PCED1B: variants seen among roughly 807,000 people sequenced by gnomAD.
The protein encoded by PCED1B is PC-esterase domain-containing protein 1B.
For missense variants in PCED1B, 573 were observed against 573.9 expected (o/e 1.00, Z 0.02); for synonymous variants, 251 against 246.1 (o/e 1.02, Z -0.19).
At chr12:47,095,014 C>T (rs573043936) in intron 1 of PCED1B, among the ~76,000 whole-genome samples, 86 of 151,560 alleles carry the variant, frequency 5.7e-4, no homozygotes, top group Non-Finnish European at 7.5e-4. Flanking sequence ...TCAAGCAATC[C>T]TCCCACCTCG....
intron 2 of PCED1B, among the ~76,000 whole-genome samples, chr12:47,174,791 T>C (rs906887719): frequency 1.3e-5 from 2 of 152,192 alleles, no homozygotes; most frequent in African/African-American, 4.8e-5. Flanking sequence ...ACTCCTGGGG[T>C]CAGAGAGATG....
intron 2 of PCED1B, among the ~76,000 whole-genome samples, chr12:47,177,849 G>A (rs1217545257): frequency 2.0e-5 from 3 of 151,974 alleles, no homozygotes; most frequent in African/African-American, 7.3e-5. Flanking sequence ...CAGGAGGCTG[G>A]GGCAGGAGAA....
chr12:47,115,860 C>A lies in PCED1B; in HGVS notation c.-526+11665C>A, dbSNP rs139639192. Among the ~76,000 whole-genome samples the A allele has an allele frequency of 3.3e-3, 506 of 152,280 alleles. 8 individuals are homozygous for A. In the South Asian group the frequency reaches 0.04, roughly 12 times the overall value. On this transcript the variant is annotated intron_variant, in intron 2 of 3. Coordinates refer to ENST00000546455, the MANE Select transcript of PCED1B (RefSeq NM_138371.3). ...AAATAATTGTATACGACAAAGTGAA[C>A]TGCTATGCCAGGCTCTGATCCAAAG...
chr12:47,213,974 C>T (rs1036727891), intron 2 of PCED1B, among the ~76,000 whole-genome samples: 1 of 152,196 alleles, frequency 6.6e-6, no homozygotes, highest in Admixed American at 6.5e-5. Flanking sequence ...CTTTTATTCT[C>T]ACAGTGCACA....
chr12:47,212,992 T>C (rs1943140191), intron 2 of PCED1B, among the ~76,000 whole-genome samples: 1 of 152,236 alleles, frequency 6.6e-6, no homozygotes. Context: ...AAGAATTTTG[T>C]GGAAATGTTT....
At position 47,235,193 on chromosome 12, in the gene PCED1B, A is replaced by C; in HGVS notation, c.130A>C (p.Thr44Pro). The C allele has an allele frequency of 1.3e-6, 2 of 1,598,896 alleles. No individual in the cohort carries two copies. Among genetic ancestry groups the C allele is most frequent in the Non-Finnish European group, 1.7e-6 (2 of 1,171,874 alleles). ...VLLLQKDRLL[T>P]PGQLRARGEL... ...TCTGCTGCAGAAGGACCGCCTGCTC[A>C]CTCCCGGGCAGCTTAGAGCAAGGGG... Residue 44 changes from threonine (T) to proline (P), a missense_variant, in exon 4 of 4, where the codon ACT (threonine) becomes CCT (proline). Thr to Pro is a conservative substitution (Grantham distance 38). Transcript: ENST00000546455.
intron 2 of PCED1B, among the ~76,000 whole-genome samples, chr12:47,124,119 C>T (rs1939788946): frequency 6.6e-6 from 1 of 151,990 alleles, no homozygotes. Context: ...ACTACAATCA[C>T]AATAATGAAC....
intron 2 of PCED1B, among the ~76,000 whole-genome samples, chr12:47,133,879 G>T (rs1940234789): frequency 6.6e-6 from 1 of 152,180 alleles, no homozygotes; most frequent in Admixed American, 6.5e-5. Context: ...AATGGGATTA[G>T]TGCCCTTATA....
chr12:47,163,216 G>A (rs150961166), intron 2 of PCED1B, among the ~76,000 whole-genome samples: 118 of 152,064 alleles, frequency 7.8e-4, no homozygotes, highest in Non-Finnish European at 1.3e-3. Flanking sequence ...TTTTCAGATG[G>A]TTCATTTTTA....
At chr12:47,234,603 T>C (rs1227091764) in intron 3 of PCED1B, among the ~76,000 whole-genome samples, 1 of 152,194 alleles carries the variant, frequency 6.6e-6, no homozygotes, top group Admixed American at 6.5e-5. Flanking sequence ...CCTCATTATC[T>C]AACAGTGGCA....
At chr12:47,220,905 A>T (rs1565610367) in intron 3 of PCED1B, among the ~76,000 whole-genome samples, 1 of 152,190 alleles carries the variant, frequency 6.6e-6, no homozygotes, top group Non-Finnish European at 1.5e-5. Flanking sequence ...ACAGAGACAA[A>T]CATAAAGACA....
intron 1 of PCED1B, among the ~76,000 whole-genome samples, chr12:47,087,761 T>G (rs1427673723): frequency 6.6e-6 from 1 of 152,146 alleles, no homozygotes; most frequent in Non-Finnish European, 1.5e-5. Context: ...CAAATAAAAA[T>G]ATAATCTGGG....
intron 2 of PCED1B, among the ~76,000 whole-genome samples, chr12:47,136,733 T>C (rs1393914851): frequency 6.6e-6 from 1 of 152,170 alleles, no homozygotes; most frequent in East Asian, 1.9e-4. Context: ...AAACGATATC[T>C]ACAAACTTTA....
chr12:47,236,101 T>C lies in PCED1B; in HGVS notation c.1038T>C (p.His346=), dbSNP rs988945975. 1 of 1,614,108 alleles carries C rather than the reference T, an allele frequency of 6.2e-7. No individual in the cohort carries two copies. Among genetic ancestry groups the C allele is most frequent in the East Asian group, 2.2e-5 (1 of 44,866 alleles). Residue 346 remains histidine, a synonymous_variant, in exon 4 of 4, where the codon CAT becomes CAC. Coordinates refer to ENST00000546455, the MANE Select transcript of PCED1B (RefSeq NM_138371.3). ...CAGATGCCTGTTTTTCCTCAGACCA[T>C]ACTTTCCAGTCGGATCAATTCTATT... is the stretch of plus-strand genomic sequence containing the variant. The part of the protein sequence containing the change: ...GPPDACFSSD[H]TFQSDQFYCH...
intron 2 of PCED1B, among the ~76,000 whole-genome samples, chr12:47,139,265 C>A (rs561915011): frequency 3.2e-4 from 49 of 152,296 alleles, no homozygotes; most frequent in African/African-American, 1.2e-3. Context: ...CTAAGAACAA[C>A]TTACATTTTA....
intron 2 of PCED1B, among the ~76,000 whole-genome samples, chr12:47,172,670 C>A (rs1414419737): frequency 6.6e-6 from 1 of 152,182 alleles, no homozygotes; most frequent in East Asian, 1.9e-4. Context: ...AATTTTCTGA[C>A]CCTGATCCTG....
chr12:47,153,488 A>C (rs1240160346), intron 2 of PCED1B, among the ~76,000 whole-genome samples: 2 of 152,202 alleles, frequency 1.3e-5, no homozygotes, highest in Non-Finnish European at 2.9e-5. Flanking sequence ...AGTTCAATAC[A>C]TCTTAAATCT....
In PCED1B at chr12:47,236,167, C is replaced by A; in HGVS notation, c.1104C>A (p.Phe368Leu). Reference protein sequence around the residue: ...DVPSSAHAGFFVEDNFMVGPQ... With the variant: ...DVPSSAHAGFLVEDNFMVGPQ... Reference sequence around the variant, plus strand: ...CCTCATCAGCCCATGCAGGTTTCTTCGTCGAAGACAATTTTATGGTTGGTC... The same window carrying A: ...CCTCATCAGCCCATGCAGGTTTCTTAGTCGAAGACAATTTTATGGTTGGTC... The change falls in exon 4 of 4, where the codon TTC (phenylalanine) becomes TTA (leucine). Residue 368 changes from phenylalanine to leucine, a missense_variant. Coordinates refer to ENST00000546455, the MANE Select transcript of PCED1B (RefSeq NM_138371.3). 6.2e-7 allele frequency: 1 copy of A among 1,614,126 alleles called. No homozygotes were observed.
intron 1 of PCED1B, among the ~76,000 whole-genome samples, chr12:47,098,576 G>A (rs560646517): frequency 9.9e-5 from 15 of 152,258 alleles, no homozygotes; most frequent in South Asian, 4.1e-4. Context: ...TCCGCCTTCC[G>A]GGTTCACCCC....
Sources: gnomAD v4.1 joint callset for allele counts (sites outside exome capture counted in the v4.1 genomes callset) on GRCh38, gnomAD v4.1.1 for gene constraint, MANE v1.5 for transcripts, NCBI Gene and HGNC (gene_info 2026-07-23, HGNC 2026-07-21) for gene names.